The following SEMA3E variants were observed in gnomAD, a reference collection of about 807,000 sequenced individuals.
SEMA3E encodes the protein semaphorin 3E.
A neutral mutation model predicts 93.6 loss-of-function variants in SEMA3E; 49 were observed. That is an observed-to-expected ratio of 0.52 (90% confidence interval 0.42 to 0.66). The LOEUF is 0.66. Ranked by LOEUF, SEMA3E falls within the 30% of genes least tolerant of loss-of-function variation. SEMA3E has a pLI of 0.00. For synonymous variants in SEMA3E, 363 were observed against 330.7 expected (o/e 1.10, Z -1.06); for missense variants, 906 against 964.8 (o/e 0.94, Z 0.81).
chr7:83,544,896 T>C (rs1693380), intron 1 of SEMA3E, among the ~76,000 whole-genome samples: 51,390 of 151,888 alleles, frequency 0.34, 10,618 homozygotes, highest in African/African-American at 0.58. Context: ...TTCCTTGACT[T>C]GAACGAAATA....
intron 1 of SEMA3E, among the ~76,000 whole-genome samples, chr7:83,498,013 A>C (rs1790522186): frequency 6.6e-6 from 1 of 152,202 alleles, no homozygotes; most frequent in Non-Finnish European, 1.5e-5. Context: ...GTGAAGATGT[A>C]TTTAATGATT....
intron 1 of SEMA3E, among the ~76,000 whole-genome samples, chr7:83,632,229 T>C (rs561631836): frequency 6.6e-6 from 1 of 151,166 alleles, no homozygotes; most frequent in Non-Finnish European, 1.5e-5. Flanking sequence ...CTCTGGAGTA[T>C]AAATTCTGGT....
chr7:83,484,396 C>A (rs776763165), intron 2 of SEMA3E, among the ~76,000 whole-genome samples: 4 of 152,190 alleles, frequency 2.6e-5, no homozygotes, highest in Non-Finnish European at 4.4e-5. Flanking sequence ...AATATGTTTT[C>A]ACCTAGCTTA....
intron 4 of SEMA3E, among the ~76,000 whole-genome samples, chr7:83,459,484 C>G (rs1182686914): frequency 6.6e-6 from 1 of 152,138 alleles, no homozygotes; most frequent in Admixed American, 6.5e-5. Flanking sequence ...CATAGGTATA[C>G]TTTGTTGTAC....
chr7:83,473,860 G>T (rs533705672), intron 2 of SEMA3E, among the ~76,000 whole-genome samples: 4 of 152,056 alleles, frequency 2.6e-5, no homozygotes, highest in Non-Finnish European at 4.4e-5. Flanking sequence ...TTGGGAGGCC[G>T]AGGCGGGTGG....
chr7:83,482,450 C>A (rs1790165379), intron 2 of SEMA3E, among the ~76,000 whole-genome samples: 1 of 151,116 alleles, frequency 6.6e-6, no homozygotes, highest in Non-Finnish European at 1.5e-5. Flanking sequence ...CCTGTAGTCC[C>A]AGCTACTCAG....
At chr7:83,550,052 C>T (rs1289883178) in intron 1 of SEMA3E, among the ~76,000 whole-genome samples, 1 of 147,034 alleles carries the variant, frequency 6.8e-6, no homozygotes, top group African/African-American at 2.6e-5. Context: ...TTTATTTACG[C>T]CATTTGAGGT....
intron 1 of SEMA3E, among the ~76,000 whole-genome samples, chr7:83,504,505 G>T (rs1369695286): frequency 6.6e-6 from 1 of 152,102 alleles, no homozygotes; most frequent in African/African-American, 2.4e-5. Flanking sequence ...TTCTTACTAG[G>T]TAATAGGCCC....
intron 4 of SEMA3E, among the ~76,000 whole-genome samples, chr7:83,446,961 C>T (rs1789243963): frequency 6.6e-6 from 1 of 152,072 alleles, no homozygotes; most frequent in Non-Finnish European, 1.5e-5. Context: ...TTCATTCTTA[C>T]AATAAGATTG....
At chr7:83,493,931 A>G (rs1293787527) in intron 1 of SEMA3E, among the ~76,000 whole-genome samples, 1 of 151,970 alleles carries the variant, frequency 6.6e-6, no homozygotes, top group African/African-American at 2.4e-5. Flanking sequence ...TGCTTTAGAC[A>G]TATATCTGCA....
At chr7:83,647,971 GAAACA>G (rs533951434) in intron 1 of SEMA3E, among the ~76,000 whole-genome samples, 62 of 151,986 alleles carry the variant, frequency 4.1e-4, no homozygotes, top group South Asian at 3.1e-3. Flanking sequence ...CTCCATTATG[GAAACA>G]AAACAAAACA....
chr7:83,563,141 T>C (rs1327239573), intron 1 of SEMA3E, among the ~76,000 whole-genome samples: 1 of 152,182 alleles, frequency 6.6e-6, no homozygotes, highest in Non-Finnish European at 1.5e-5. Context: ...GGCCAGCCTG[T>C]GGATTGAGTA....
intron 16 of SEMA3E, among the ~76,000 whole-genome samples, chr7:83,374,146 C>T (rs559782823): frequency 1.1e-4 from 15 of 136,894 alleles, no homozygotes; most frequent in East Asian, 6.6e-4. Context: ...GCAGAGGTTG[C>T]GATAAGCCGA....
intron 16 of SEMA3E, among the ~76,000 whole-genome samples, chr7:83,375,400 A>T (rs919845634): frequency 2.6e-5 from 4 of 152,082 alleles, no homozygotes; most frequent in Non-Finnish European, 5.9e-5. Context: ...TAATAAATAC[A>T]TTTCCTTTAG....
intron 1 of SEMA3E, among the ~76,000 whole-genome samples, chr7:83,608,089 G>A (rs1363544497): frequency 1.3e-5 from 2 of 151,892 alleles, no homozygotes; most frequent in East Asian, 1.9e-4. Context: ...ACATGCACCT[G>A]TCAATCCTAG....
chr7:83,593,310 G>A (rs199871289), intron 1 of SEMA3E, among the ~76,000 whole-genome samples: 1 of 135,306 alleles, frequency 7.4e-6, no homozygotes, highest in Admixed American at 7.2e-5. Context: ...GTGTGTGTGT[G>A]TGTGTGTGTG....
chr7:83,419,567 C>T (rs1472688161), intron 4 of SEMA3E, among the ~76,000 whole-genome samples: 2 of 152,138 alleles, frequency 1.3e-5, no homozygotes, highest in Admixed American at 1.3e-4. Flanking sequence ...TAAGCTTTCC[C>T]TTTTCTCCAC....
At chr7:83,388,322 TAA>T (rs10714005) in intron 14 of SEMA3E, among the ~76,000 whole-genome samples, 24 of 146,192 alleles carry the variant, frequency 1.6e-4, no homozygotes, top group Non-Finnish European at 2.2e-4. Context: ...AATAAAAAAA[TAA>T]AAAAAAATAT....
intron 6 of SEMA3E, among the ~76,000 whole-genome samples, chr7:83,407,615 G>A (rs1308014921): frequency 2.0e-5 from 3 of 151,996 alleles, no homozygotes; most frequent in African/African-American, 7.2e-5. Context: ...CTAAATGTAA[G>A]TATAAGTAAC....
Sources: gnomAD v4.1 joint callset for allele counts (sites outside exome capture counted in the v4.1 genomes callset) on GRCh38, gnomAD v4.1.1 for gene constraint, MANE v1.5 for transcripts, NCBI Gene and HGNC (gene_info 2026-07-23, HGNC 2026-07-21) for gene names.